Variants in CFAP20DC observed in about 807,000 individuals in gnomAD.
The protein encoded by CFAP20DC is CFAP20 domain containing, also known as protein CFAP20DC.
A neutral mutation model predicts 101.7 loss-of-function variants in CFAP20DC; 84 were observed. The observed-to-expected ratio is 0.83, with a 90% confidence interval of 0.69 to 0.99. The LOEUF is 0.99. Among genes scored for constraint, CFAP20DC ranks in the 50% least tolerant of loss-of-function variants. CFAP20DC has a pLI of 0.00. For missense variants in CFAP20DC, 1,007 were observed against 970.3 expected, an observed-to-expected ratio of 1.04 and a Z score of -0.50; for synonymous variants, 359 against 351.2, an observed-to-expected ratio of 1.02 and a Z score of -0.25.
intron 15 of CFAP20DC, among the ~76,000 whole-genome samples, chr3:58,801,345 A>G (rs1305770005): frequency 1.3e-5 from 2 of 152,222 alleles, no homozygotes; most frequent in African/African-American, 4.8e-5. Context: ...AAAAATCTGG[A>G]TAACAGGAAA....
intron 4 of CFAP20DC, among the ~76,000 whole-genome samples, chr3:59,003,785 A>C (rs1409564679): frequency 1.3e-5 from 2 of 152,234 alleles, no homozygotes; most frequent in Non-Finnish European, 2.9e-5. Flanking sequence ...ACTTGCGGGA[A>C]GAAAGTAGAG....
At chr3:59,008,568 A>T (rs911535411) in intron 4 of CFAP20DC, among the ~76,000 whole-genome samples, 1 of 152,212 alleles carries the variant, frequency 6.6e-6, no homozygotes, top group Non-Finnish European at 1.5e-5. Flanking sequence ...AGGGACATGT[A>T]TGAAACTGGA....
At chr3:58,957,906 A>AGAAT (rs2090787002) in intron 4 of CFAP20DC, among the ~76,000 whole-genome samples, 1 of 152,212 alleles carries the variant, frequency 6.6e-6, no homozygotes, top group South Asian at 2.1e-4. Flanking sequence ...CCAAAAAAAT[A>AGAAT]GAATGAATGA....
At chr3:58,757,004 G>A (rs909745885) in intron 15 of CFAP20DC, among the ~76,000 whole-genome samples, 2 of 151,970 alleles carry the variant, frequency 1.3e-5, no homozygotes, top group African/African-American at 4.8e-5. Flanking sequence ...TGATTGCAAT[G>A]AACACTTAAA....
At position 58,721,415 on chromosome 3, in the gene CFAP20DC, C is replaced by T. The variant is rs1575511717; in HGVS notation, c.198-3787G>A. 7.4e-6 allele frequency among the ~76,000 whole-genome samples: 1 copy of T among 134,888 alleles called. No individual in the cohort carries two copies. The highest frequency in any genetic ancestry group is 2.7e-4 in the South Asian group (1 of 3,704). 88.5% of individuals were successfully genotyped at this position (134,888 alleles called of 152,430 possible). A position where few individuals can be genotyped will look rare whatever the true frequency, so the allele number is the denominator to read the frequency against. ...AAAAATTACAACCATGATAGGGTACCTAGTGCTATGAATATTTATTCCAGG... is the reference window on the plus strand; with the variant it reads ...AAAAATTACAACCATGATAGGGTACTTAGTGCTATGAATATTTATTCCAGG... On this transcript the variant is annotated intron_variant, in intron 3 of 3. Coordinates refer to the CFAP20DC transcript ENST00000486145. This position sits in a 1 kb window ranked among gnomAD's most constrained non-coding sequence, Gnocchi z 5.2.
rs2084422154 is a variant in CFAP20DC, at chr3:58,914,012, C to T, written c.394-148G>A. 2.2e-5 allele frequency: 17 copies of T among 776,524 alleles called. No individual in the cohort carries two copies. The Admixed American group carries it at 3.4e-4, about 16-fold the overall frequency. The allele number at this position is 776,524 out of a possible 1,614,324, so 48.1% of individuals were successfully genotyped here. On this transcript the variant is annotated intron_variant, in intron 5 of 16. Transcript: ENST00000482387. The surrounding 1 kb of genome is among the most constrained non-coding windows in gnomAD (Gnocchi z 4.9). ...TTTTCCTCTTTAGGTAAACTTATCT[C>T]TGTTTTGGCTTAAAAACTGACTTGA...
At position 58,722,679 on chromosome 3, in the gene CFAP20DC, G is replaced by C. The variant is rs114573283; in HGVS notation, c.198-5051C>G. Among the ~76,000 whole-genome samples, 1,692 of 152,314 alleles carry C rather than the reference G, an allele frequency of 0.011. 39 individuals carry two copies. The highest frequency in any genetic ancestry group is 0.038 in the African/African-American group (1,570 of 41,556). ...TTCCCAGATGTGAAAGTTACACACT[G>C]ACTGTGATTTTCTGCCCGAGTCCTT... On this transcript the variant is annotated intron_variant, in intron 3 of 3. Coordinates refer to the CFAP20DC transcript ENST00000486145. This position sits in a 1 kb window ranked among gnomAD's most constrained non-coding sequence, Gnocchi z 4.5.
intron 14 of CFAP20DC, among the ~76,000 whole-genome samples, chr3:58,816,261 C>T (rs1399574038): frequency 6.6e-6 from 1 of 152,086 alleles, no homozygotes; most frequent in East Asian, 1.9e-4. Context: ...ATCGCAAGAA[C>T]AAAAAACCAA....
chr3:58,973,691 G>A (rs1448947400), intron 4 of CFAP20DC, among the ~76,000 whole-genome samples: 1 of 152,168 alleles, frequency 6.6e-6, no homozygotes, highest in African/African-American at 2.4e-5. Context: ...TAGTTAAAAT[G>A]AAGAGACTAT....
At chr3:58,984,795 C>T (rs1321889785) in intron 4 of CFAP20DC, among the ~76,000 whole-genome samples, 1 of 152,190 alleles carries the variant, frequency 6.6e-6, no homozygotes, top group Non-Finnish European at 1.5e-5. Flanking sequence ...TATTACTGAA[C>T]TTCTCTGAGG....
intron 5 of CFAP20DC, among the ~76,000 whole-genome samples, chr3:58,931,223 G>A (rs544060781): frequency 6.6e-6 from 1 of 152,280 alleles, no homozygotes; most frequent in South Asian, 2.1e-4. Context: ...TGGGGGAGGG[G>A]TGCGCGCCAT....
In CFAP20DC at chr3:58,867,826, T is replaced by C. The variant is rs762315869; in HGVS notation, c.1126A>G (p.Thr376Ala). 4.3e-6 allele frequency: 7 copies of C among 1,613,480 alleles called. No individual in the cohort carries two copies. Among genetic ancestry groups the C allele is most frequent in the African/African-American group, 2.7e-5 (2 of 74,920 alleles). Reference sequence around the variant, plus strand: ...TGAAATAGTGCCATACCGCTGGGTGTCTCTGTCCTTTCTCTGCTGGTACTT... The same window carrying C: ...TGAAATAGTGCCATACCGCTGGGTGCCTCTGTCCTTTCTCTGCTGGTACTT... ...LKSTSRERTE[T>A]PSGSSSGNNR... Residue 376 changes from threonine to alanine, a missense_variant, in exon 10 of 17, where the codon ACA becomes GCA. Thr to Ala is a moderately conservative substitution (Grantham distance 58). Coordinates refer to ENST00000482387, the MANE Select transcript of CFAP20DC (RefSeq NM_001394063.1).
chr3:58,865,067 G>T (rs2079565614), intron 11 of CFAP20DC, among the ~76,000 whole-genome samples: 1 of 150,190 alleles, frequency 6.7e-6, no homozygotes, highest in African/African-American at 2.4e-5. Context: ...GGAAAAAGGT[G>T]AGCATTTTCT....
intron 14 of CFAP20DC, among the ~76,000 whole-genome samples, chr3:58,808,697 C>A (rs1347506919): frequency 6.6e-6 from 1 of 152,164 alleles, no homozygotes; most frequent in Non-Finnish European, 1.5e-5. Flanking sequence ...ATGACAGGAT[C>A]AAATTCACAC....
At chr3:59,016,692 T>C (rs1346293896) in intron 4 of CFAP20DC, among the ~76,000 whole-genome samples, 1 of 151,978 alleles carries the variant, frequency 6.6e-6, no homozygotes, top group Non-Finnish European at 1.5e-5. Flanking sequence ...TTAAAAACAG[T>C]TTTTTAACCC....
chr3:59,001,294 A>G lies in CFAP20DC; in HGVS notation c.278+38263T>C, dbSNP rs888688855. ...ACAAGGCCTGATAGACTGCCTCTAT[A>G]GGACTGTATAGATCACCAAGAAGGC... is the stretch of plus-strand genomic sequence containing the variant. On this transcript the variant is annotated intron_variant, in intron 4 of 16. Coordinates refer to ENST00000482387, the MANE Select transcript of CFAP20DC (RefSeq NM_001394063.1). This position sits in a 1 kb window ranked among gnomAD's most constrained non-coding sequence, Gnocchi z 4.5. Among the ~76,000 whole-genome samples, 2 of 152,184 alleles carry G rather than the reference A, an allele frequency of 1.3e-5. No individual in the cohort carries two copies. Among genetic ancestry groups the G allele is most frequent in the South Asian group, 2.1e-4 (1 of 4,820 alleles).
chr3:58,744,149 G>C (rs1368500773), intron 16 of CFAP20DC, among the ~76,000 whole-genome samples: 1 of 152,172 alleles, frequency 6.6e-6, no homozygotes, highest in Admixed American at 6.5e-5. Context: ...GGTTTAGAAA[G>C]CTCTTTCTCA....
intron 5 of CFAP20DC, among the ~76,000 whole-genome samples, chr3:58,924,087 T>C (rs2085684888): frequency 6.6e-6 from 1 of 152,188 alleles, no homozygotes; most frequent in African/African-American, 2.4e-5. Flanking sequence ...CAAAAAATTT[T>C]TTAAAATTAT....
chr3:59,002,957 T>C lies in CFAP20DC; in HGVS notation c.278+36600A>G, dbSNP rs1207845005. Among the ~76,000 whole-genome samples, 3 of 152,188 alleles carry C rather than the reference T, an allele frequency of 2.0e-5. No individual in the cohort carries two copies. The highest frequency in any genetic ancestry group is 4.4e-5 in the Non-Finnish European group (3 of 68,030). ...GTCTTGGTTACTGACAGAGCTATAA[T>C]GCATCCAAGATTTCTGACTGAATAT... On this transcript the variant is annotated intron_variant, in intron 4 of 16. Transcript: ENST00000482387. The surrounding 1 kb of genome is among the most constrained non-coding windows in gnomAD (Gnocchi z 4.5).
Sources: allele counts gnomAD v4.1 joint callset (sites outside exome capture counted in the v4.1 genomes callset), GRCh38; gene constraint gnomAD v4.1.1; non-coding constraint Gnocchi (gnomAD v3.1); transcripts MANE v1.5; gene names NCBI Gene and HGNC (gene_info 2026-07-23, HGNC 2026-07-21).